The following SAMD5 variants were observed in gnomAD, a reference collection of about 807,000 sequenced individuals.
The protein encoded by SAMD5 is sterile alpha motif domain-containing protein 5.
SAMD5 carries 13 observed loss-of-function variants against 11.3 expected under a neutral mutation model. The ratio of observed to expected loss-of-function variants is 1.15; its 90% CI spans 0.75 to 1.83. SAMD5 has a LOEUF of 1.83. Among genes scored for constraint, SAMD5 ranks in the 40% most tolerant of loss-of-function variants. SAMD5 has a pLI of 0.00. For missense variants in SAMD5, 255 were observed against 239.1 expected, an observed-to-expected ratio of 1.07 and a Z score of -0.44; for synonymous variants, 129 against 111.3, an observed-to-expected ratio of 1.16 and a Z score of -1.00.
chr6:147,613,894 T>C (rs1789826078), intron 1 of SAMD5, among the ~76,000 whole-genome samples: 1 of 151,962 alleles, frequency 6.6e-6, no homozygotes, highest in Non-Finnish European at 1.5e-5. Context: ...ATCCACCAAG[T>C]CTCTATCGGT....
At chr6:147,590,403 G>A (rs1237907328) in intron 1 of SAMD5, among the ~76,000 whole-genome samples, 1 of 152,066 alleles carries the variant, frequency 6.6e-6, no homozygotes, top group African/African-American at 2.4e-5. Context: ...TATGCCCTCA[G>A]TAACGGTTAT....
chr6:147,943,623 A>G, the SAMD5 span, among the ~76,000 whole-genome samples: 1 of 151,960 alleles, frequency 6.6e-6, no homozygotes, highest in Non-Finnish European at 1.5e-5. Context: ...AAACTTCAAT[A>G]GTTTGGGATC....
chr6:147,938,968 C>T, the SAMD5 span, among the ~76,000 whole-genome samples: 1 of 152,142 alleles, frequency 6.6e-6, no homozygotes. Flanking sequence ...ACTGTGGATG[C>T]CAGTCACTAG....
At chr6:147,795,515 G>A in the SAMD5 span, among the ~76,000 whole-genome samples, 65 of 148,232 alleles carry the variant, frequency 4.4e-4, no homozygotes, top group South Asian at 7.1e-3. Context: ...GAATAATGTC[G>A]CAATAAACAT....
At chr6:147,718,445 G>C (rs1028296067) in intron 1 of SAMD5, among the ~76,000 whole-genome samples, 9 of 152,314 alleles carry the variant, frequency 5.9e-5, no homozygotes, top group African/African-American at 2.2e-4. Context: ...GAAAGCTGCC[G>C]AAGTGTGTCC....
At chr6:147,754,231 A>C in the SAMD5 span, among the ~76,000 whole-genome samples, 4 of 152,124 alleles carry the variant, frequency 2.6e-5, no homozygotes, top group Admixed American at 6.5e-5. Context: ...TGTCTTTTGA[A>C]TATAAGCCAT....
chr6:147,756,276 C>T, the SAMD5 span, among the ~76,000 whole-genome samples: 28 of 152,034 alleles, frequency 1.8e-4, no homozygotes, highest in African/African-American at 5.3e-4. Context: ...TAATACAATA[C>T]GCAGCATACA....
intron 1 of SAMD5, among the ~76,000 whole-genome samples, chr6:147,591,266 T>A (rs1462119283): frequency 6.6e-6 from 1 of 152,196 alleles, no homozygotes; most frequent in Non-Finnish European, 1.5e-5. Flanking sequence ...TCAACCATGA[T>A]GGTTTCAGTG....
chr6:147,753,709 C>T, the SAMD5 span, among the ~76,000 whole-genome samples: 1 of 151,916 alleles, frequency 6.6e-6, no homozygotes, highest in Non-Finnish European at 1.5e-5. Context: ...CCCAGCCCCT[C>T]ACCACCCTTC....
At chr6:147,882,575 G>A in the SAMD5 span, among the ~76,000 whole-genome samples, 3 of 152,166 alleles carry the variant, frequency 2.0e-5, no homozygotes, top group Non-Finnish European at 4.4e-5. Flanking sequence ...GGGCAACATA[G>A]CAAGACTCTG....
intron 1 of SAMD5, among the ~76,000 whole-genome samples, chr6:147,563,322 G>C (rs1174242455): frequency 6.6e-6 from 1 of 152,182 alleles, no homozygotes; most frequent in Admixed American, 6.5e-5. Flanking sequence ...AAAGAGTCTT[G>C]ATGATGTCTG....
At chr6:147,692,692 G>A (rs1320847203) in intron 1 of SAMD5, among the ~76,000 whole-genome samples, 1 of 152,134 alleles carries the variant, frequency 6.6e-6, no homozygotes, top group Non-Finnish European at 1.5e-5. Flanking sequence ...GTGGTCCTGT[G>A]GTCTCTACAA....
intron 1 of SAMD5, among the ~76,000 whole-genome samples, chr6:147,523,571 C>G (rs1788289027): frequency 6.6e-6 from 1 of 152,150 alleles, no homozygotes; most frequent in Non-Finnish European, 1.5e-5. Context: ...AAGATGCACT[C>G]CTCTGGGAAG....
the SAMD5 span, among the ~76,000 whole-genome samples, chr6:147,867,065 C>T: frequency 5.9e-5 from 9 of 152,100 alleles, no homozygotes; most frequent in South Asian, 1.7e-3. Flanking sequence ...GAAAATTTTC[C>T]GAATATTAAT....
exon 2 of SAMD5, chr6:147,737,398 T>C (rs1185901330): frequency 8.8e-7 from 1 of 1,135,420 alleles, no homozygotes; most frequent in Admixed American, 2.4e-5. Context: ...AATCCCACGC[T>C]ATTACAGGAT....
chr6:147,761,393 A>G, the SAMD5 span, among the ~76,000 whole-genome samples: 1 of 152,160 alleles, frequency 6.6e-6, no homozygotes, highest in African/African-American at 2.4e-5. Flanking sequence ...CAAATATGGC[A>G]TTACTAGAGA....
intron 1 of SAMD5, among the ~76,000 whole-genome samples, chr6:147,682,112 T>C (rs1045990720): frequency 6.6e-6 from 1 of 152,206 alleles, no homozygotes; most frequent in African/African-American, 2.4e-5. Flanking sequence ...TGGACTCTTA[T>C]CTCTGTCTCC....
chr6:147,509,844 T>C (rs1788060767), intron 1 of SAMD5, among the ~76,000 whole-genome samples: 1 of 152,196 alleles, frequency 6.6e-6, no homozygotes, highest in East Asian at 1.9e-4. Flanking sequence ...CGGTGAACTC[T>C]TTAAAGAGTG....
the SAMD5 span, among the ~76,000 whole-genome samples, chr6:147,835,242 A>AC: frequency 6.7e-6 from 1 of 150,314 alleles, no homozygotes; most frequent in Admixed American, 6.6e-5. Context: ...TAAAAAAAAA[A>AC]AAAACAAAAA....
Sources: allele counts gnomAD v4.1 joint callset (sites outside exome capture counted in the v4.1 genomes callset), GRCh38; gene constraint gnomAD v4.1.1; transcripts MANE v1.5; gene names NCBI Gene and HGNC (gene_info 2026-07-23, HGNC 2026-07-21).